IGF1R: variants seen among roughly 807,000 people sequenced by gnomAD.
IGF1R encodes the protein insulin-like growth factor 1 receptor.
In IGF1R, 44 loss-of-function variants were observed where a neutral mutation model predicts 144.6. That is an observed-to-expected ratio of 0.30 (90% CI 0.24 to 0.39). The LOEUF is 0.39. Among genes scored for constraint, IGF1R ranks in the 10% least tolerant of loss-of-function variants. The probability of loss-of-function intolerance (pLI) is 1.00; values close to 1 mark genes in which losing one functional copy is unlikely to be tolerated. For missense variants in IGF1R, 1,355 were observed against 1,833.7 expected (o/e 0.74, Z 4.77); for synonymous variants, 795 against 722.8 (o/e 1.10, Z -1.60).
chr15:98,900,614 C>T (rs765484187), intron 5 of IGF1R: 1 of 152,194 alleles, frequency 6.6e-6, no homozygotes, highest in South Asian at 2.1e-4. Context: ...CTCTTCATTC[C>T]ATCCTTGAAA....
chr15:98,784,902 C>T (rs776847129), intron 2 of IGF1R, among the ~76,000 whole-genome samples: 1 of 152,108 alleles, frequency 6.6e-6, no homozygotes, highest in Non-Finnish European at 1.5e-5. Context: ...GATTTTGTAT[C>T]CGTGGGAGTC....
chr15:98,691,814 A>G (rs1279659073), intron 1 of IGF1R, among the ~76,000 whole-genome samples: 1 of 152,206 alleles, frequency 6.6e-6, no homozygotes, highest in Non-Finnish European at 1.5e-5. Flanking sequence ...GCGTGGGGAC[A>G]TACATCTATT....
At chr15:98,667,459 G>A (rs1461818726) in intron 1 of IGF1R, among the ~76,000 whole-genome samples, 1 of 152,198 alleles carries the variant, frequency 6.6e-6, no homozygotes, top group South Asian at 2.1e-4. Context: ...AGGGCTAGAG[G>A]CTTCGCCTTA....
chr15:98,823,459 C>T (rs1429721310), intron 2 of IGF1R, among the ~76,000 whole-genome samples: 7 of 152,226 alleles, frequency 4.6e-5, no homozygotes, highest in African/African-American at 1.7e-4. Flanking sequence ...AGTTATTAGA[C>T]CAGGCTTAGT....
chr15:98,836,340 G>A (rs1475633332), intron 2 of IGF1R, among the ~76,000 whole-genome samples: 1 of 151,886 alleles, frequency 6.6e-6, no homozygotes, highest in East Asian at 1.9e-4. Context: ...ACCAAGCTGT[G>A]AGACTATCTC....
At chr15:98,792,644 A>C (rs2056153294) in intron 2 of IGF1R, among the ~76,000 whole-genome samples, 1 of 152,180 alleles carries the variant, frequency 6.6e-6, no homozygotes, top group South Asian at 2.1e-4. Flanking sequence ...TTTTAACTTC[A>C]GTCTTTTAAA....
In IGF1R at chr15:98,963,720, CT is replaced by C. The variant is rs1160281071; in HGVS notation, c.*6279del. The stretch of plus-strand genomic sequence containing the variant: ...ACATGCCTCGTATCATGACTGATTA[CT>C]GCTTTGTTAGAACACAGAAGAGACC... On this transcript the variant is annotated 3_prime_UTR_variant, in exon 21 of 21. Transcript: ENST00000650285. The C allele has an allele frequency of 4.3e-6, 1 of 233,132 alleles. No individual in the cohort carries two copies. The highest frequency in any genetic ancestry group is 5.6e-5 in the Admixed American group (1 of 17,782). The allele number at this position is 233,132 out of a possible 1,614,324, so 14.4% of individuals were successfully genotyped here. A position where few individuals can be genotyped will look rare whatever the true frequency, so the allele number is the denominator to read the frequency against.
intron 1 of IGF1R, among the ~76,000 whole-genome samples, chr15:98,670,283 G>A (rs547984131): frequency 2.6e-5 from 4 of 152,138 alleles, no homozygotes; most frequent in Non-Finnish European, 5.9e-5. Flanking sequence ...GGATCTTGGA[G>A]GTCTCCTGGA....
Position 98,915,958 on chromosome 15 carries a change from C to T in IGF1R, c.1829-6C>T, listed in dbSNP as rs775738949. On this transcript the variant is annotated splice_polypyrimidine_tract_variant and splice_region_variant and intron_variant, in intron 8 of 20. Transcript: ENST00000650285. ...TTTCTAGAATGTTCTTTGTTCCCCT[C>T]TCCAGTTCCTTCCATTCCCTTGGAC... The T allele has an allele frequency of 5.6e-6, 9 of 1,613,602 alleles. No individual in the cohort carries two copies. The African/African-American group carries it at 1.1e-4, about 19-fold the overall frequency.
chr15:98,775,872 A>G (rs1227594106), intron 2 of IGF1R, among the ~76,000 whole-genome samples: 2 of 152,222 alleles, frequency 1.3e-5, no homozygotes, highest in Non-Finnish European at 2.9e-5. Flanking sequence ...CTGGGACCAC[A>G]CTTTGAGAAC....
chr15:98,785,599 C>G (rs1292501922), intron 2 of IGF1R, among the ~76,000 whole-genome samples: 1 of 152,158 alleles, frequency 6.6e-6, no homozygotes, highest in Non-Finnish European at 1.5e-5. Context: ...TTTTGTGGAA[C>G]TTTTCCAGAG....
intron 2 of IGF1R, among the ~76,000 whole-genome samples, chr15:98,865,917 G>C (rs1422987877): frequency 1.3e-5 from 2 of 152,152 alleles, no homozygotes; most frequent in East Asian, 3.9e-4. Context: ...TCCGAGAACC[G>C]TAAGAAAAGG....
intron 2 of IGF1R, among the ~76,000 whole-genome samples, chr15:98,782,386 T>G: frequency 6.6e-6 from 1 of 152,206 alleles, no homozygotes; most frequent in East Asian, 1.9e-4. Flanking sequence ...AAATACATTT[T>G]AAATGTCACC....
At chr15:98,826,491 G>T (rs1244558547) in intron 2 of IGF1R, among the ~76,000 whole-genome samples, 1 of 152,194 alleles carries the variant, frequency 6.6e-6, no homozygotes, top group Non-Finnish European at 1.5e-5. Flanking sequence ...TCGTTGAAGG[G>T]CATTTTCAAA....
intron 2 of IGF1R, among the ~76,000 whole-genome samples, chr15:98,809,606 A>G (rs1167716701): frequency 6.6e-6 from 1 of 152,222 alleles, no homozygotes; most frequent in Non-Finnish European, 1.5e-5. Flanking sequence ...AATCCTGTGT[A>G]AATAGTCTTG....
chr15:98,870,182 A>G (rs530330454), intron 2 of IGF1R, among the ~76,000 whole-genome samples: 102 of 152,374 alleles, frequency 6.7e-4, no homozygotes, highest in African/African-American at 2.4e-3. Flanking sequence ...ATTGTTTTGC[A>G]GCCGTGACCA....
intron 2 of IGF1R, among the ~76,000 whole-genome samples, chr15:98,806,672 T>C (rs2056478386): frequency 6.6e-6 from 1 of 152,214 alleles, no homozygotes; most frequent in African/African-American, 2.4e-5. Flanking sequence ...CCCTTTTTCC[T>C]AGTCCTTGTG....
chr15:98,772,495 A>ATTG (rs2141374408), intron 2 of IGF1R, among the ~76,000 whole-genome samples: 1 of 88,766 alleles, frequency 1.1e-5, no homozygotes, highest in African/African-American at 3.5e-5. Flanking sequence ...TATTATTATT[A>ATTG]TTATTATTAT....
chr15:98,838,022 C>T (rs893036298), intron 2 of IGF1R, among the ~76,000 whole-genome samples: 2 of 152,158 alleles, frequency 1.3e-5, no homozygotes, highest in Non-Finnish European at 2.9e-5. Context: ...ATTTTCACGG[C>T]CTGAGAGTCT....
Sources: gnomAD v4.1 joint callset for allele counts (sites outside exome capture counted in the v4.1 genomes callset) on GRCh38, gnomAD v4.1.1 for gene constraint, MANE v1.5 for transcripts, NCBI Gene and HGNC (gene_info 2026-07-23, HGNC 2026-07-21) for gene names.